The following FAM184B variants were observed in gnomAD, a reference collection of about 807,000 sequenced individuals.
FAM184B encodes family with sequence similarity 184 member B.
A neutral mutation model predicts 135.9 loss-of-function variants in FAM184B; 111 were observed. The observed-to-expected ratio is 0.82, with a 90% CI of 0.70 to 0.96. FAM184B has a LOEUF of 0.96. Ranked by LOEUF, FAM184B falls within the 40% of genes least tolerant of loss-of-function variation. FAM184B has a pLI of 0.00. For synonymous variants in FAM184B, 552 were observed against 524.8 expected (o/e 1.05, Z -0.71); for missense variants, 1,375 against 1,323.9 (o/e 1.04, Z -0.60).
intron 8 of FAM184B, among the ~76,000 whole-genome samples, chr4:17,661,764 C>T (rs1715926197): frequency 6.6e-6 from 1 of 152,174 alleles, no homozygotes; most frequent in East Asian, 1.9e-4. Flanking sequence ...GGAGGAGCAG[C>T]CTCGGTCAAG....
intron 1 of FAM184B, among the ~76,000 whole-genome samples, chr4:17,719,745 T>A (rs756394123): frequency 6.6e-6 from 1 of 152,226 alleles, no homozygotes. Context: ...AAATACTCTA[T>A]AACCATTGTT....
chr4:17,707,653 C>T lies in FAM184B; in HGVS notation c.1026G>A (p.Gln342=). The stretch of plus-strand genomic sequence containing the variant: ...AATCATTCCAGGGCATCTCACCTGT[C>T]TGCTGTGTCCCACGACACTCCTGCA... The part of the protein sequence containing the change: ...MMLQECRGTQ[Q]TDAMKTELVS... Residue 342 remains glutamine, a synonymous_variant, in exon 3 of 18, where the codon CAG becomes CAA. Coordinates refer to ENST00000265018, the MANE Select transcript of FAM184B (RefSeq NM_015688.2). 1.3e-6 allele frequency: 2 copies of T among 1,551,726 alleles called. No individual in the cohort carries two copies. The highest frequency in any genetic ancestry group is 1.7e-6 in the Non-Finnish European group (2 of 1,146,998).
At chr4:17,640,536 T>C (rs193218720) in intron 13 of FAM184B, among the ~76,000 whole-genome samples, 49 of 151,362 alleles carry the variant, frequency 3.2e-4, no homozygotes, top group African/African-American at 1.1e-3. Context: ...CAAAGCAATT[T>C]TGGGCCAACA....
At chr4:17,635,549 G>A (rs1043163228) in intron 15 of FAM184B, among the ~76,000 whole-genome samples, 3 of 151,332 alleles carry the variant, frequency 2.0e-5, no homozygotes, top group Admixed American at 1.3e-4. Flanking sequence ...CTATATGGCC[G>A]ATCTTGTTTG....
intron 1 of FAM184B, among the ~76,000 whole-genome samples, chr4:17,740,931 A>T (rs945530697): frequency 5.9e-5 from 9 of 152,184 alleles, no homozygotes; most frequent in Non-Finnish European, 1.2e-4. Flanking sequence ...GGGAATGAAT[A>T]GCCAACTCAT....
intron 7 of FAM184B, among the ~76,000 whole-genome samples, chr4:17,675,154 T>C (rs1372759661): frequency 2.0e-5 from 3 of 152,322 alleles, no homozygotes; most frequent in African/African-American, 7.2e-5. Context: ...TTTCTTTTCT[T>C]TTCACCCTTA....
chr4:17,708,420 G>A (rs146342684), intron 2 of FAM184B, among the ~76,000 whole-genome samples: 77 of 151,738 alleles, frequency 5.1e-4, no homozygotes, highest in African/African-American at 1.7e-3. Flanking sequence ...TGAAGCAGGC[G>A]GATCACCTGA....
In FAM184B at chr4:17,647,931, T is replaced by C; in HGVS notation, c.2192-140A>G. 4 of 926,014 alleles carry C rather than the reference T, an allele frequency of 4.3e-6. No individual in the cohort carries two copies. The South Asian group carries it at 7.1e-5, about 16-fold the overall frequency. The allele number at this position is 926,014 out of a possible 1,614,324, so 57.4% of individuals were successfully genotyped here. On this transcript the variant is annotated intron_variant, in intron 11 of 17. Coordinates refer to ENST00000265018, the MANE Select transcript of FAM184B (RefSeq NM_015688.2). ...GTGGTGGGTTAGGTTCCCCAAACCT[T>C]TTCCAAGGTAACAGTAACAACAGGG...
Position 17,652,962 on chromosome 4 carries a change from T to C in FAM184B, c.2059A>G (p.Lys687Glu), listed in dbSNP as rs1560168421. Residue 687 changes from lysine to glutamate, a missense_variant, in exon 11 of 18, where the codon AAG (lysine) becomes GAG (glutamate). Lys to Glu is a moderately conservative substitution (Grantham distance 56, BLOSUM62 1). Transcript: ENST00000265018. ...ELKATEERLK[K>E]ESSHSLQIQH... is the part of the protein sequence containing the mutation. ...ATCTGGAGGCTGTGGCTGGATTCCT[T>C]CTTCAAGCGTTCCTCTGTGGCCTGT... is the stretch of plus-strand genomic sequence containing the variant. 6.4e-7 allele frequency: 1 copy of C among 1,551,714 alleles called. No individual in the cohort carries two copies. The highest frequency in any genetic ancestry group is 8.7e-7 in the Non-Finnish European group (1 of 1,146,980).
intron 11 of FAM184B, among the ~76,000 whole-genome samples, chr4:17,652,157 C>A (rs1422295002): frequency 8.3e-6 from 1 of 120,022 alleles, no homozygotes; most frequent in South Asian, 2.5e-4. Context: ...TTGAGTCTTG[C>A]ACTGTCGCCC....
chr4:17,723,448 G>A (rs185091485), intron 1 of FAM184B, among the ~76,000 whole-genome samples: 59 of 152,318 alleles, frequency 3.9e-4, no homozygotes, highest in Admixed American at 2.6e-4. Flanking sequence ...CTGACTGCAC[G>A]TGGCCTCGAG....
intron 10 of FAM184B, among the ~76,000 whole-genome samples, chr4:17,654,415 T>G (rs1397443505): frequency 6.6e-6 from 1 of 152,148 alleles, no homozygotes; most frequent in Non-Finnish European, 1.5e-5. Context: ...ATTCCGAAGC[T>G]CAAGCAATCC....
rs543859546 is a variant in FAM184B, at chr4:17,760,935, A to G, written c.141+20224T>C. 4.6e-5 allele frequency among the ~76,000 whole-genome samples: 7 copies of G among 152,352 alleles called. No homozygotes were observed. The East Asian group carries it at 1.2e-3, about 25-fold the overall frequency. ...AGGTTGCTTCCACCTTGAATGGACAAGGACCTCACCCTAAGTCAGTAGTTC... is the reference window on the plus strand; with the variant it reads ...AGGTTGCTTCCACCTTGAATGGACAGGGACCTCACCCTAAGTCAGTAGTTC... On this transcript the variant is annotated intron_variant, in intron 1 of 17. Coordinates refer to ENST00000265018, the MANE Select transcript of FAM184B (RefSeq NM_015688.2).
chr4:17,675,639 T>A (rs1031930728), intron 7 of FAM184B, among the ~76,000 whole-genome samples: 3 of 152,228 alleles, frequency 2.0e-5, no homozygotes, highest in Non-Finnish European at 4.4e-5. Flanking sequence ...TAAGGCTGTT[T>A]TGTCTACATT....
intron 7 of FAM184B, among the ~76,000 whole-genome samples, chr4:17,683,901 G>A (rs1316653941): frequency 6.6e-6 from 1 of 151,432 alleles, no homozygotes; most frequent in African/African-American, 2.4e-5. Flanking sequence ...CATGATGAAG[G>A]CTCGTCTCTA....
chr4:17,690,284 G>T lies in FAM184B; in HGVS notation c.1489-1753C>A, dbSNP rs147034141. On this transcript the variant is annotated intron_variant, in intron 6 of 17. Transcript: ENST00000265018. ...GCATTCCAGACAGCAGAAACAGCAG[G>T]TGTAGTGGTAGAGGGCGGGTGGGGT... Among the ~76,000 whole-genome samples the T allele has an allele frequency of 4.0e-3, 613 of 152,352 alleles. 3 individuals are homozygous for T. Among genetic ancestry groups the T allele is most frequent in the African/African-American group, 0.013 (552 of 41,582 alleles).
intron 7 of FAM184B, among the ~76,000 whole-genome samples, chr4:17,668,251 G>A (rs956054998): frequency 1.3e-5 from 2 of 152,200 alleles, no homozygotes; most frequent in African/African-American, 2.4e-5. Context: ...AGATAAAGAA[G>A]CAACAGTTGA....
At chr4:17,713,439 C>T (rs751722291) in intron 1 of FAM184B, among the ~76,000 whole-genome samples, 14 of 152,182 alleles carry the variant, frequency 9.2e-5, no homozygotes, top group African/African-American at 3.1e-4. Flanking sequence ...TGTTAATTTC[C>T]GTGACCTTCT....
chr4:17,701,250 G>A (rs768087775), intron 5 of FAM184B, among the ~76,000 whole-genome samples: 4 of 152,174 alleles, frequency 2.6e-5, no homozygotes, highest in East Asian at 1.9e-4. Flanking sequence ...ACGGCAGAGC[G>A]AGGACCCGAA....
Sources: gnomAD v4.1 joint callset for allele counts (sites outside exome capture counted in the v4.1 genomes callset) on GRCh38, gnomAD v4.1.1 for gene constraint, MANE v1.5 for transcripts, NCBI Gene and HGNC (gene_info 2026-07-23, HGNC 2026-07-21) for gene names.